GRID1: variants seen among roughly 807,000 people sequenced by gnomAD.
GRID1 encodes the protein glutamate ionotropic receptor delta type subunit 1.
In GRID1, 28 loss-of-function variants were observed where a neutral mutation model predicts 98.0. The observed-to-expected ratio is 0.29, with a 90% CI of 0.21 to 0.39. GRID1 has a LOEUF of 0.39. Among genes scored for constraint, GRID1 ranks in the 10% least tolerant of loss-of-function variants. GRID1 has a pLI of 1.00. For synonymous variants in GRID1, 553 were observed against 538.5 expected (o/e 1.03, Z -0.37); for missense variants, 1,111 against 1,340.5 (o/e 0.83, Z 2.67).
chr10:85,695,170 T>C (rs1484681096), intron 12 of GRID1, among the ~76,000 whole-genome samples: 1 of 152,156 alleles, frequency 6.6e-6, no homozygotes, highest in Non-Finnish European at 1.5e-5. Context: ...TAGTCCTCAA[T>C]GAGAGTCATC....
At chr10:86,187,025 A>G (rs1407085060) in intron 3 of GRID1, among the ~76,000 whole-genome samples, 1 of 152,212 alleles carries the variant, frequency 6.6e-6, no homozygotes, top group East Asian at 1.9e-4. Flanking sequence ...ATCCCAGAGA[A>G]GAGCCAAGGA....
intron 4 of GRID1, among the ~76,000 whole-genome samples, chr10:86,054,845 G>A (rs1255884972): frequency 2.0e-5 from 3 of 152,132 alleles, no homozygotes; most frequent in Admixed American, 6.5e-5. Context: ...CCCATTAGGG[G>A]GTGGGGTCTA....
rs939465362 is a variant in GRID1 at position 85,674,947 on chromosome 10, T to C, written c.1998-27550A>G. Among the ~76,000 whole-genome samples, 4 of 152,316 alleles carry C rather than the reference T, an allele frequency of 2.6e-5. 1 individual carries two copies. Among genetic ancestry groups the C allele is most frequent in the Middle Eastern group, 6.8e-3 (2 of 294 alleles). ...CTGCTTAAACTGCTCATATATTCCA[T>C]TGGAGTTTATTGGAAATTATTTTTT... On this transcript the variant is annotated intron_variant, in intron 12 of 15. Transcript: ENST00000327946.
At chr10:85,804,979 G>A (rs992933042) in intron 8 of GRID1, among the ~76,000 whole-genome samples, 1 of 150,910 alleles carries the variant, frequency 6.6e-6, no homozygotes, top group African/African-American at 2.4e-5. Flanking sequence ...AGAAAATGAA[G>A]GAAAAAAGAG....
rs185568849 is a variant in GRID1, at chr10:86,178,606, G to T, written c.520+27758C>A. ...CCTCCAGATGACCAGCAGGCGGCTC[G>T]TGCATCCACCCCGGGGCGTTCTACA... On this transcript the variant is annotated intron_variant, in intron 3 of 15. Transcript: ENST00000327946. Among the ~76,000 whole-genome samples the T allele has an allele frequency of 3.9e-3, 589 of 151,452 alleles. 1 individual carries two copies. Among genetic ancestry groups the T allele is most frequent in the Non-Finnish European group, 6.9e-3 (470 of 67,798 alleles).
intron 3 of GRID1, among the ~76,000 whole-genome samples, chr10:86,145,011 C>T (rs1242753034): frequency 2.0e-5 from 3 of 152,214 alleles, no homozygotes; most frequent in Non-Finnish European, 2.9e-5. Context: ...TAATACATTC[C>T]ACAAGAATGT....
intron 8 of GRID1, among the ~76,000 whole-genome samples, chr10:85,742,949 C>T (rs910259804): frequency 2.0e-5 from 3 of 152,118 alleles, no homozygotes; most frequent in African/African-American, 7.2e-5. Flanking sequence ...GGTGTGGGGG[C>T]TATTCTGTGC....
At chr10:85,748,908 T>A (rs1226577642) in intron 8 of GRID1, among the ~76,000 whole-genome samples, 1 of 152,176 alleles carries the variant, frequency 6.6e-6, no homozygotes, top group Non-Finnish European at 1.5e-5. Flanking sequence ...CAAACACCTT[T>A]ATCTACCTCA....
At chr10:86,146,366 T>C (rs1845089517) in intron 3 of GRID1, among the ~76,000 whole-genome samples, 1 of 152,170 alleles carries the variant, frequency 6.6e-6, no homozygotes. Context: ...TACCCATAAT[T>C]CAAATTCATT....
intron 8 of GRID1, among the ~76,000 whole-genome samples, chr10:85,821,539 A>AAAAAAAAGCAAAAAAAC (rs770693495): frequency 2.0e-5 from 2 of 97,626 alleles, no homozygotes; most frequent in African/African-American, 7.7e-5. Flanking sequence ...AAAAAAAAAA[A>AAAAAAAAGCAAAAAAAC]AAAAAAGAAA....
intron 4 of GRID1, among the ~76,000 whole-genome samples, chr10:86,129,817 TC>T (rs1014313964): frequency 6.6e-6 from 1 of 152,070 alleles, no homozygotes; most frequent in African/African-American, 2.4e-5. Flanking sequence ...ACTTTCCAGT[TC>T]CCCCCTCAAG....
chr10:85,604,753 C>A (rs534109501), intron 15 of GRID1, among the ~76,000 whole-genome samples: 1 of 152,234 alleles, frequency 6.6e-6, no homozygotes, highest in African/African-American at 2.4e-5. Context: ...TTTGTGTATT[C>A]TATTTTATTT....
intron 2 of GRID1, among the ~76,000 whole-genome samples, chr10:86,274,585 A>C (rs1282443567): frequency 4.6e-5 from 7 of 152,012 alleles, no homozygotes; most frequent in South Asian, 2.1e-4. Flanking sequence ...CTTTTATTTC[A>C]TTGAGCAGTG....
intron 8 of GRID1, among the ~76,000 whole-genome samples, chr10:85,798,799 C>T (rs1285008274): frequency 1.3e-5 from 2 of 152,042 alleles, no homozygotes; most frequent in Admixed American, 6.6e-5. Context: ...TTCTCCTATT[C>T]TGCAGGTTGT....
intron 4 of GRID1, among the ~76,000 whole-genome samples, chr10:86,055,530 G>A (rs908738562): frequency 3.9e-5 from 6 of 152,056 alleles, no homozygotes; most frequent in African/African-American, 1.4e-4. Context: ...ACCACTTGAG[G>A]TCAGGAGTTT....
intron 13 of GRID1, among the ~76,000 whole-genome samples, chr10:85,634,169 T>C (rs1843006519): frequency 7.2e-6 from 1 of 139,536 alleles, no homozygotes; most frequent in African/African-American, 2.7e-5. Context: ...AAACTCCATC[T>C]GAAAAAAAAA....
chr10:86,351,021 C>T (rs1371404564), intron 2 of GRID1, among the ~76,000 whole-genome samples: 1 of 152,218 alleles, frequency 6.6e-6, no homozygotes, highest in Non-Finnish European at 1.5e-5. Flanking sequence ...TTAGCTCCCA[C>T]ATGAGTGAGA....
chr10:85,723,210 C>T, intron 11 of GRID1, 69 bp from the exon 12 acceptor site: 1 of 1,475,028 alleles, frequency 6.8e-7, no homozygotes, highest in Non-Finnish European at 9.2e-7. Flanking sequence ...GGGAGGTGTT[C>T]TGCCCTGCAG....
At chr10:86,103,277 C>T (rs575776103) in intron 4 of GRID1, among the ~76,000 whole-genome samples, 3 of 152,270 alleles carry the variant, frequency 2.0e-5, no homozygotes, top group South Asian at 2.1e-4. Flanking sequence ...GCACCAGAGT[C>T]GGCTGCCACT....
Sources: allele counts gnomAD v4.1 joint callset (sites outside exome capture counted in the v4.1 genomes callset), GRCh38; gene constraint gnomAD v4.1.1; transcripts MANE v1.5; gene names NCBI Gene and HGNC (gene_info 2026-07-23, HGNC 2026-07-21).